The following AGAP1 variants were observed in gnomAD, a reference collection of about 807,000 sequenced individuals.
The protein encoded by AGAP1 is arf-GAP with GTPase, ANK repeat and PH domain-containing protein 1.
Under a neutral mutation model 105.3 loss-of-function variants are expected in AGAP1, and 29 were observed. That is an observed-to-expected ratio of 0.28 (90% CI 0.21 to 0.38). The LOEUF is 0.38. Among genes scored for constraint, AGAP1 ranks in the 10% least tolerant of loss-of-function variants. The pLI is 1.00. For synonymous variants in AGAP1, 509 were observed against 485.9 expected, an observed-to-expected ratio of 1.05 and a Z score of -0.63; for missense variants, 998 against 1,165.1, an observed-to-expected ratio of 0.86 and a Z score of 2.09.
chr2:235,912,090 G>A (rs1173522900), intron 11 of AGAP1, among the ~76,000 whole-genome samples: 1 of 152,244 alleles, frequency 6.6e-6, no homozygotes, highest in Non-Finnish European at 1.5e-5. Context: ...CTGAGAATAA[G>A]CCATGGGCGG....
chr2:236,027,772 G>A lies in AGAP1; in HGVS notation c.1646-8789G>A, dbSNP rs529819358. 6.7e-4 allele frequency among the ~76,000 whole-genome samples: 102 copies of A among 152,138 alleles called. No homozygotes were observed. Among genetic ancestry groups the A allele is most frequent in the Non-Finnish European group, 1.3e-3 (86 of 67,990 alleles). On this transcript the variant is annotated intron_variant, in intron 13 of 17. Coordinates refer to ENST00000304032, the MANE Select transcript of AGAP1 (RefSeq NM_001037131.3). The surrounding 1 kb of genome is among the most constrained non-coding windows in gnomAD (Gnocchi z 4.4). ...CAGAAACCCCAAAGAGCTGTTCATCGGCGTCTCACTACATGGTGAACTGCT... is the reference window on the plus strand; with the variant it reads ...CAGAAACCCCAAAGAGCTGTTCATCAGCGTCTCACTACATGGTGAACTGCT...
intron 9 of AGAP1, among the ~76,000 whole-genome samples, chr2:235,841,492 G>T (rs924012540): frequency 3.3e-5 from 5 of 152,072 alleles, no homozygotes; most frequent in African/African-American, 1.2e-4. Flanking sequence ...AGCCAGGCAT[G>T]GTGGTGTGCA....
At chr2:236,107,874 A>G (rs1345260178) in intron 16 of AGAP1, among the ~76,000 whole-genome samples, 1 of 152,188 alleles carries the variant, frequency 6.6e-6, no homozygotes, top group African/African-American at 2.4e-5. Context: ...TAAGCCTAAT[A>G]TGGTTGACTT....
Position 235,993,072 on chromosome 2 carries a change from A to T in AGAP1, c.1645+24449A>T, listed in dbSNP as rs2055641907. On this transcript the variant is annotated intron_variant, in intron 13 of 17. Transcript: ENST00000304032. This position sits in a 1 kb window ranked among gnomAD's most constrained non-coding sequence, Gnocchi z 5.0. ...GACTTTTTTCATATGTACATCTGAA[A>T]ATGACTTTAGCAGAGATTCTAGCTA... 6.6e-6 allele frequency among the ~76,000 whole-genome samples: 1 copy of T among 152,246 alleles called. No individual in the cohort carries two copies. Among genetic ancestry groups the T allele is most frequent in the Admixed American group, 6.5e-5 (1 of 15,288 alleles).
In AGAP1 at chr2:236,062,111, A is replaced by G. The variant is rs900141531; in HGVS notation, c.2114+12830A>G. Among the ~76,000 whole-genome samples the G allele has an allele frequency of 1.3e-5, 2 of 152,138 alleles. No individual in the cohort carries two copies. The highest frequency in any genetic ancestry group is 1.3e-4 in the Admixed American group (2 of 15,278). ...CCTGCGGACGGCCCACAGGGGAGCG[A>G]GAGCAGGTGGAAGGTGGTGCCTATG... On this transcript the variant is annotated intron_variant, in intron 16 of 17. Transcript: ENST00000304032. The surrounding 1 kb of genome is among the most constrained non-coding windows in gnomAD (Gnocchi z 4.2).
rs556491008 is a variant in AGAP1 at position 235,733,354 on chromosome 2, T to G, written c.311-7609T>G. ...CCTTCTGTTTCTTCCCTGCGCACTT[T>G]GGGGTGAAGTGATGGGGTGTTGTTG... On this transcript the variant is annotated intron_variant, in intron 3 of 17. Coordinates refer to ENST00000304032, the MANE Select transcript of AGAP1 (RefSeq NM_001037131.3). The surrounding 1 kb of genome is among the most constrained non-coding windows in gnomAD (Gnocchi z 5.0). Among the ~76,000 whole-genome samples, 1 of 152,260 alleles carries G rather than the reference T, an allele frequency of 6.6e-6. No homozygotes were observed. Among genetic ancestry groups the G allele is most frequent in the Admixed American group, 6.5e-5 (1 of 15,302 alleles).
rs939771642 is a variant in AGAP1, at chr2:235,621,513, G to A, written c.164-87666G>A. On this transcript the variant is annotated intron_variant, in intron 1 of 17. Transcript: ENST00000304032. The surrounding 1 kb of genome is among the most constrained non-coding windows in gnomAD (Gnocchi z 4.1). ...CCTCCTATACCTACGAGGCTGTCAT[G>A]TGAATGTGTCAAGGGCCCTGTCACG... is the stretch of plus-strand genomic sequence containing the variant. Among the ~76,000 whole-genome samples the A allele has an allele frequency of 2.6e-5, 4 of 152,198 alleles. No individual in the cohort carries two copies. The highest frequency in any genetic ancestry group is 9.7e-5 in the African/African-American group (4 of 41,448).
At position 235,965,597 on chromosome 2, in the gene AGAP1, G is replaced by T. The variant is rs1332230797; in HGVS notation, c.1484-2865G>T. Among the ~76,000 whole-genome samples, 2 of 152,116 alleles carry T rather than the reference G, an allele frequency of 1.3e-5. No homozygotes were observed. The highest frequency in any genetic ancestry group is 2.9e-5 in the Non-Finnish European group (2 of 68,022). On this transcript the variant is annotated intron_variant, in intron 12 of 17. Transcript: ENST00000304032. This position sits in a 1 kb window ranked among gnomAD's most constrained non-coding sequence, Gnocchi z 5.8. The stretch of plus-strand genomic sequence containing the variant: ...TTACTTAACCTTCCCCTGTGCCTTG[G>T]TTTTCTAATCTGTAAAGTGGAGGTG...
chr2:235,767,073 G>A (rs1228907226), intron 6 of AGAP1, among the ~76,000 whole-genome samples: 1 of 151,968 alleles, frequency 6.6e-6, no homozygotes, highest in African/African-American at 2.4e-5. Flanking sequence ...ACCACGCCTG[G>A]CTAATTTTTG....
intron 1 of AGAP1, among the ~76,000 whole-genome samples, chr2:235,518,066 G>A (rs1402150744): frequency 3.9e-5 from 6 of 152,156 alleles, no homozygotes; most frequent in African/African-American, 1.2e-4. Flanking sequence ...CCCAGCCTCC[G>A]AAGGTGCAGC....
intron 9 of AGAP1, among the ~76,000 whole-genome samples, chr2:235,828,811 G>A (rs1246966930): frequency 2.0e-5 from 3 of 152,180 alleles, no homozygotes; most frequent in Non-Finnish European, 4.4e-5. Flanking sequence ...TAAACCACAC[G>A]AAGATAATGG....
In AGAP1 at chr2:235,625,812, C is replaced by G. The variant is rs1053743062; in HGVS notation, c.164-83367C>G. On this transcript the variant is annotated intron_variant, in intron 1 of 17. Coordinates refer to ENST00000304032, the MANE Select transcript of AGAP1 (RefSeq NM_001037131.3). The surrounding 1 kb of genome is among the most constrained non-coding windows in gnomAD (Gnocchi z 4.0). Reference sequence around the variant, plus strand: ...AAATTAAAATAATTTAGGATGTTGCCCCACACTATTGGGAGGTGTAGATGT... The same window carrying G: ...AAATTAAAATAATTTAGGATGTTGCGCCACACTATTGGGAGGTGTAGATGT... Among the ~76,000 whole-genome samples the G allele has an allele frequency of 6.6e-6, 1 of 152,040 alleles. No individual in the cohort carries two copies. Among genetic ancestry groups the G allele is most frequent in the Non-Finnish European group, 1.5e-5 (1 of 68,026 alleles).
chr2:236,111,669 G>A (rs1191991695), intron 16 of AGAP1, among the ~76,000 whole-genome samples: 2 of 151,854 alleles, frequency 1.3e-5, no homozygotes, highest in Non-Finnish European at 2.9e-5. Context: ...GTATACACCT[G>A]TATTCCAAGC....
chr2:235,938,471 ATAAT>A (rs2053097887), intron 12 of AGAP1, among the ~76,000 whole-genome samples: 2 of 152,240 alleles, frequency 1.3e-5, no homozygotes, highest in African/African-American at 4.8e-5. Flanking sequence ...AAGCTGAGAC[ATAAT>A]CTACATTGAA....
chr2:235,613,394 A>G (rs1312241989), intron 1 of AGAP1, among the ~76,000 whole-genome samples: 2 of 152,216 alleles, frequency 1.3e-5, no homozygotes, highest in African/African-American at 2.4e-5. Flanking sequence ...AATGGGTTCT[A>G]TCTTAAAATC....
intron 1 of AGAP1, among the ~76,000 whole-genome samples, chr2:235,695,921 C>T (rs1281981668): frequency 6.6e-6 from 1 of 152,122 alleles, no homozygotes; most frequent in African/African-American, 2.4e-5. Flanking sequence ...AAGTTTTATT[C>T]CCTTGGGTGC....
At chr2:235,668,686 A>G (rs1033561569) in intron 1 of AGAP1, among the ~76,000 whole-genome samples, 2 of 152,258 alleles carry the variant, frequency 1.3e-5, no homozygotes, top group Non-Finnish European at 2.9e-5. Flanking sequence ...ATCCTAGACC[A>G]GTATCTATCA....
intron 1 of AGAP1, among the ~76,000 whole-genome samples, chr2:235,501,033 C>T (rs1486723663): frequency 6.6e-6 from 1 of 152,174 alleles, no homozygotes; most frequent in Non-Finnish European, 1.5e-5. Context: ...TTCCATGGGA[C>T]AGGCTGGGGG....
chr2:235,852,742 A>T, intron 9 of AGAP1: 1 of 1,540,510 alleles, frequency 6.5e-7, no homozygotes, highest in Non-Finnish European at 8.8e-7. Context: ...GGCCTGCTGG[A>T]GCCCGTGCCC....
Sources: allele counts gnomAD v4.1 joint callset (sites outside exome capture counted in the v4.1 genomes callset), GRCh38; gene constraint gnomAD v4.1.1; non-coding constraint Gnocchi (gnomAD v3.1); transcripts MANE v1.5; gene names NCBI Gene and HGNC (gene_info 2026-07-23, HGNC 2026-07-21).